The following SH3KBP1 variants were observed in gnomAD, a reference collection of about 807,000 sequenced individuals.
SH3KBP1 encodes SH3 domain-containing kinase-binding protein 1.
A neutral mutation model predicts 50.1 loss-of-function variants in SH3KBP1; 8 were observed. The ratio of observed to expected loss-of-function variants is 0.16; its 90% CI spans 0.09 to 0.29. SH3KBP1 has a LOEUF of 0.29. Ranked by LOEUF, SH3KBP1 falls within the 10% of genes least tolerant of loss-of-function variation. SH3KBP1 has a pLI of 1.00. For synonymous variants in SH3KBP1, 227 were observed against 218.6 expected, an observed-to-expected ratio of 1.04 and a Z score of -0.34; for missense variants, 377 against 535.2, an observed-to-expected ratio of 0.70 and a Z score of 2.92.
At chrX:19,544,144 G>C (rs769460719) in intron 15 of SH3KBP1, among the ~76,000 whole-genome samples, 1 of 111,009 alleles carries the variant, frequency 9.0e-6, no homozygotes, top group South Asian at 3.8e-4. Context: ...GCCAAAAGCA[G>C]ATGGGCCATC....
intron 6 of SH3KBP1, among the ~76,000 whole-genome samples, chrX:19,655,010 C>T (rs780660382): frequency 8.9e-6 from 1 of 111,935 alleles, no homozygotes; most frequent in Non-Finnish European, 1.9e-5. Flanking sequence ...ACCTCCTCCC[C>T]CAATATATTT....
chrX:19,550,664 T>C (rs2065213026), intron 13 of SH3KBP1, among the ~76,000 whole-genome samples: 1 of 111,029 alleles, frequency 9.0e-6, no homozygotes, highest in African/African-American at 3.3e-5. Context: ...GAGAGGCAAG[T>C]GAGAAGGCCT....
intron 5 of SH3KBP1, among the ~76,000 whole-genome samples, chrX:19,684,837 G>A (rs7058190): frequency 0.064 from 7,160 of 111,839 alleles, 520 homozygotes; most frequent in African/African-American, 0.21. Flanking sequence ...CATGTGTTTG[G>A]AAGTCATAAA....
intron 2 of SH3KBP1, among the ~76,000 whole-genome samples, chrX:19,754,105 T>C (rs1281928616): frequency 8.9e-6 from 1 of 112,464 alleles, no homozygotes; most frequent in Non-Finnish European, 1.9e-5. Flanking sequence ...ATTTGCAATA[T>C]CATATACTTG....
intron 5 of SH3KBP1, among the ~76,000 whole-genome samples, chrX:19,685,220 T>C (rs1050018645): frequency 8.9e-6 from 1 of 112,312 alleles, no homozygotes; most frequent in African/African-American, 3.2e-5. Context: ...TCCTAGTCCA[T>C]AAGAATGATA....
intron 6 of SH3KBP1, among the ~76,000 whole-genome samples, chrX:19,648,460 G>C (rs925797750): frequency 3.8e-5 from 4 of 103,995 alleles, no homozygotes; most frequent in Non-Finnish European, 7.9e-5. Context: ...AGGAGGGAGG[G>C]AAGGAGGGAG....
chrX:19,582,310 T>C (rs1268373300), intron 12 of SH3KBP1, among the ~76,000 whole-genome samples: 2 of 111,864 alleles, frequency 1.8e-5, no homozygotes, highest in Non-Finnish European at 1.9e-5. Context: ...CTCTTGTCAC[T>C]ATCATCAACT....
In SH3KBP1 at chrX:19,864,268, A is replaced by G. The variant is rs1274783282; in HGVS notation, c.4+23039T>C. Among the ~76,000 whole-genome samples, 4 of 111,722 alleles carry G rather than the reference A, an allele frequency of 3.6e-5. No individual in the cohort carries two copies. The South Asian group carries it at 1.5e-3, about 41-fold the overall frequency. On this transcript the variant is annotated intron_variant, in intron 1 of 17. Coordinates refer to ENST00000397821, the MANE Select transcript of SH3KBP1 (RefSeq NM_031892.3). ...GATTGCCCCTTTGGCCCTACCCGAC[A>G]TGGAGATTTAGGAAAACAAAGTCCC...
At chrX:19,773,594 C>T (rs1603229089) in intron 2 of SH3KBP1, among the ~76,000 whole-genome samples, 1 of 109,742 alleles carries the variant, frequency 9.1e-6, no homozygotes, top group Non-Finnish European at 1.9e-5. Flanking sequence ...CAGCGGCTCA[C>T]GCCTGTCATC....
intron 12 of SH3KBP1, among the ~76,000 whole-genome samples, chrX:19,572,529 C>T (rs935289533): frequency 3.7e-5 from 4 of 107,050 alleles, no homozygotes; most frequent in Admixed American, 1.0e-4. Context: ...TATGTACTCT[C>T]TCTCTCTCTC....
chrX:19,673,405 A>G (rs1410263286), intron 6 of SH3KBP1, among the ~76,000 whole-genome samples: 1 of 112,052 alleles, frequency 8.9e-6, no homozygotes, highest in East Asian at 2.8e-4. Context: ...TAATGAAGAT[A>G]GTAGAATGCT....
rs992474379 is a variant in SH3KBP1, at chrX:19,684,146, G to A, written c.521-118C>T. The stretch of plus-strand genomic sequence containing the variant: ...AGTGTGACTGGGCACAGGATAACTT[G>A]CACTAGGCTTTTGTATTCAGTATGT... On this transcript the variant is annotated intron_variant, in intron 5 of 17. Coordinates refer to ENST00000397821, the MANE Select transcript of SH3KBP1 (RefSeq NM_031892.3). 5.6e-6 allele frequency: 3 copies of A among 535,634 alleles called. No homozygotes were observed. In the African/African-American group the frequency reaches 7.0e-5, roughly 12 times the overall value. 44.1% of individuals were successfully genotyped at this position (535,634 alleles called of 1,213,427 possible).
intron 3 of SH3KBP1, among the ~76,000 whole-genome samples, chrX:19,710,812 C>T (rs1458448825): frequency 9.0e-6 from 1 of 110,903 alleles, no homozygotes; most frequent in African/African-American, 3.3e-5. Flanking sequence ...TCGTTGATCA[C>T]AAGCACTATG....
chrX:19,770,522 T>C (rs1365619691), intron 2 of SH3KBP1, among the ~76,000 whole-genome samples: 1 of 112,055 alleles, frequency 8.9e-6, no homozygotes, highest in Non-Finnish European at 1.9e-5. Context: ...TGTGTCTTTA[T>C]GGTAGAATGA....
At chrX:19,811,469 C>G (rs1385766483) in intron 2 of SH3KBP1, among the ~76,000 whole-genome samples, 1 of 111,690 alleles carries the variant, frequency 9.0e-6, no homozygotes, top group Non-Finnish European at 1.9e-5. Context: ...CCCACTGGAC[C>G]GAAGCCTTCG....
intron 2 of SH3KBP1, among the ~76,000 whole-genome samples, chrX:19,754,570 C>T (rs763294532): frequency 9.0e-6 from 1 of 111,537 alleles, no homozygotes; most frequent in African/African-American, 3.3e-5. Flanking sequence ...TGGGTTCAAG[C>T]GATTCTCCTG....
chrX:19,543,676 T>C (rs982021048), intron 15 of SH3KBP1, among the ~76,000 whole-genome samples: 1 of 111,394 alleles, frequency 9.0e-6, no homozygotes, highest in African/African-American at 3.3e-5. Context: ...AAGGGTTCTG[T>C]TCACTTTCCA....
At chrX:19,713,555 C>G (rs1171637529) in intron 3 of SH3KBP1, among the ~76,000 whole-genome samples, 2 of 106,718 alleles carry the variant, frequency 1.9e-5, no homozygotes, top group African/African-American at 7.3e-5. Context: ...AGTCATCACA[C>G]CTAGCCAAAA....
At chrX:19,584,497 T>C (rs186898691) in intron 12 of SH3KBP1, among the ~76,000 whole-genome samples, 69 of 106,942 alleles carry the variant, frequency 6.5e-4, no homozygotes, top group African/African-American at 2.2e-3. Context: ...GCCTGCATAA[T>C]TTTTAAAAAT....
Sources: gnomAD v4.1 joint callset for allele counts (sites outside exome capture counted in the v4.1 genomes callset) on GRCh38, gnomAD v4.1.1 for gene constraint, MANE v1.5 for transcripts, NCBI Gene and HGNC (gene_info 2026-07-23, HGNC 2026-07-21) for gene names.